PPP1R12B: variants seen among roughly 807,000 people sequenced by gnomAD.
The protein encoded by PPP1R12B is protein phosphatase 1 regulatory subunit 12B.
In PPP1R12B, 76 loss-of-function variants were observed where a neutral mutation model predicts 126.1. The observed-to-expected ratio is 0.60, with a 90% CI of 0.50 to 0.73. PPP1R12B has a LOEUF of 0.73. Ranked by LOEUF, PPP1R12B falls within the 30% of genes least tolerant of loss-of-function variation. The probability of loss-of-function intolerance (pLI) is 0.00; values close to 1 mark genes in which losing one functional copy is unlikely to be tolerated. For synonymous variants in PPP1R12B, 356 were observed against 434.7 expected, an observed-to-expected ratio of 0.82 and a Z score of 2.25; for missense variants, 1,052 against 1,205.1, an observed-to-expected ratio of 0.87 and a Z score of 1.88.
intron 23 of PPP1R12B, among the ~76,000 whole-genome samples, chr1:202,572,679 C>T (rs1688720637): frequency 1.3e-5 from 2 of 152,324 alleles, no homozygotes; most frequent in Non-Finnish European, 2.9e-5. Context: ...ATCCTCCACT[C>T]AGCATCAGCC....
intron 13 of PPP1R12B, among the ~76,000 whole-genome samples, chr1:202,457,128 G>A (rs1003044427): frequency 1.3e-5 from 2 of 152,170 alleles, no homozygotes; most frequent in African/African-American, 4.8e-5. Context: ...ATAAGATTTT[G>A]CAAAATAGTA....
chr1:202,362,593 G>A (rs1023861518), intron 1 of PPP1R12B, among the ~76,000 whole-genome samples: 2 of 150,844 alleles, frequency 1.3e-5, no homozygotes, highest in African/African-American at 4.9e-5. Flanking sequence ...AGTGGAGACT[G>A]CCTTGCTTCA....
rs1294797055 is a variant in PPP1R12B at position 202,354,820 on chromosome 1, TTTTTTGTTGTTG to T, written c.291+5684_291+5695del. Among the ~76,000 whole-genome samples the T allele has an allele frequency of 2.2e-4, 28 of 125,816 alleles. No individual in the cohort carries two copies. The East Asian group carries it at 2.9e-3, about 13-fold the overall frequency. 82.5% of individuals were successfully genotyped at this position (125,816 alleles called of 152,430 possible). A position where few individuals can be genotyped will look rare whatever the true frequency, so the allele number is the denominator to read the frequency against. ...GTGACACCACGCCTGGCTAATTGTT[TTTTTTGTTGTTG>T]TTTTTTTTTTTGAGACGGAGTCTTG... On this transcript the variant is annotated intron_variant, in intron 1 of 23. Coordinates refer to ENST00000608999, the MANE Select transcript of PPP1R12B (RefSeq NM_002481.4).
At chr1:202,575,304 A>C (rs1688995800) in intron 23 of PPP1R12B, 1 of 1,020,434 alleles carries the variant, frequency 9.8e-7, no homozygotes. Flanking sequence ...GACTGAGATC[A>C]TAGAATGGGA....
Position 202,462,699 on chromosome 1 carries a change from C to T in PPP1R12B, c.1850+13528C>T, listed in dbSNP as rs563663189. On this transcript the variant is annotated intron_variant, in intron 13 of 23. Transcript: ENST00000608999. Reference sequence around the variant, plus strand: ...AAATTTTCAGCCCTCATTCAACCCTCCCTTGTTTTTTATCAGTTGATTTTC... The same window carrying T: ...AAATTTTCAGCCCTCATTCAACCCTTCCTTGTTTTTTATCAGTTGATTTTC... 7.2e-5 allele frequency: 66 copies of T among 919,034 alleles called. 1 individual carries two copies. In the South Asian group the frequency reaches 2.9e-3, roughly 41 times the overall value. 56.9% of individuals were successfully genotyped at this position (919,034 alleles called of 1,614,324 possible). A position where few individuals can be genotyped will look rare whatever the true frequency, so the allele number is the denominator to read the frequency against.
intron 4 of PPP1R12B, 66 bp from the exon 5 acceptor site, chr1:202,426,974 T>G: frequency 1.3e-6 from 2 of 1,562,214 alleles, no homozygotes; most frequent in African/African-American, 1.4e-5. Context: ...AATTAGGTAA[T>G]AGTGTATTTG....
intron 9 of PPP1R12B, among the ~76,000 whole-genome samples, chr1:202,435,976 TAGAC>T (rs1258099433): frequency 6.6e-6 from 1 of 152,138 alleles, no homozygotes; most frequent in Non-Finnish European, 1.5e-5. Context: ...AATACTAAAT[TAGAC>T]AGGGTGCAGT....
chr1:202,438,820 C>G (rs1188597965), intron 10 of PPP1R12B: 2 of 878,558 alleles, frequency 2.3e-6, no homozygotes, highest in Non-Finnish European at 3.9e-6. Flanking sequence ...GTCTAACTCA[C>G]GGACGTGGGG....
chr1:202,380,300 T>G (rs1314776737), intron 1 of PPP1R12B, among the ~76,000 whole-genome samples: 4 of 152,258 alleles, frequency 2.6e-5, no homozygotes, highest in Admixed American at 2.6e-4. Flanking sequence ...ACAGGTGATA[T>G]TATCTTACAC....
intron 3 of PPP1R12B, among the ~76,000 whole-genome samples, chr1:202,423,723 G>A (rs916292275): frequency 1.3e-5 from 2 of 152,030 alleles, no homozygotes; most frequent in South Asian, 4.1e-4. Flanking sequence ...TCACTCTGTT[G>A]CCCAGGCTGG....
chr1:202,385,192 G>C (rs1399289662), intron 1 of PPP1R12B, among the ~76,000 whole-genome samples: 1 of 152,174 alleles, frequency 6.6e-6, no homozygotes, highest in Non-Finnish European at 1.5e-5. Flanking sequence ...GGGCAGATCT[G>C]TTACAGAAAA....
In PPP1R12B at chr1:202,434,677, T is replaced by C. The variant is rs1670581930; in HGVS notation, c.1163T>C (p.Val388Ala). The C allele has an allele frequency of 1.2e-6, 2 of 1,612,226 alleles. No individual in the cohort carries two copies. The highest frequency in any genetic ancestry group is 2.7e-5 in the African/African-American group (2 of 74,822). Residue 388 changes from valine to alanine, a missense_variant, in exon 9 of 24, where the codon GTC (valine) becomes GCC (alanine). Physicochemically the swap from Val to Ala is moderately conservative, Grantham distance 64. Transcript: ENST00000608999. ...ACAGATAAAAAGCCAGAAGCCTTTG[T>C]CAATCATTCCAACTCTGAAAGCAAG... ...KEADKKPEAF[V>A]NHSNSESKSS...
At chr1:202,529,889 T>A (rs1683748341) in intron 18 of PPP1R12B, among the ~76,000 whole-genome samples, 1 of 152,222 alleles carries the variant, frequency 6.6e-6, no homozygotes, top group Non-Finnish European at 1.5e-5. Context: ...TCTTGACATA[T>A]AATTTCTGTA....
chr1:202,434,264 G>A (rs1295065994), intron 8 of PPP1R12B, among the ~76,000 whole-genome samples: 3 of 152,170 alleles, frequency 2.0e-5, no homozygotes, highest in African/African-American at 4.8e-5. Flanking sequence ...CTAAGATCTG[G>A]ACTTTGATCT....
chr1:202,533,031 G>C (rs966780669), intron 18 of PPP1R12B, among the ~76,000 whole-genome samples: 1 of 151,530 alleles, frequency 6.6e-6, no homozygotes, highest in Middle Eastern at 3.4e-3. Context: ...CACCACACCC[G>C]GCTAATTTTG....
intron 13 of PPP1R12B, among the ~76,000 whole-genome samples, chr1:202,471,373 A>G (rs1377580379): frequency 1.3e-5 from 2 of 151,248 alleles, no homozygotes; most frequent in Admixed American, 6.6e-5. Context: ...CCTAATACTA[A>G]TGATGCTGCT....
At position 202,377,833 on chromosome 1, in the gene PPP1R12B, T is replaced by TG. The variant is rs1491455493; in HGVS notation, c.291+28691_291+28692insG. Among the ~76,000 whole-genome samples the TG allele has an allele frequency of 7.5e-4, 6 of 7,960 alleles. No homozygotes were observed. In the East Asian group the frequency reaches 0.037, roughly 50 times the overall value. The allele number at this position is 7,960 out of a possible 152,430, so 5.2% of individuals were successfully genotyped here. A position where few individuals can be genotyped will look rare whatever the true frequency, so the allele number is the denominator to read the frequency against. ...GAGAAAGAAAGGTCAAAGACAGGTG[T>TG]TTTTTTTTTTTTTTTTTTTTTTTTT... is the stretch of plus-strand genomic sequence containing the variant. On this transcript the variant is annotated intron_variant, in intron 1 of 23. Transcript: ENST00000608999.
At chr1:202,452,124 C>T (rs1397663729) in intron 13 of PPP1R12B, among the ~76,000 whole-genome samples, 3 of 151,794 alleles carry the variant, frequency 2.0e-5, no homozygotes, top group Non-Finnish European at 4.4e-5. Flanking sequence ...TGGGCAGAGA[C>T]GCTCCTCACT....
intron 18 of PPP1R12B, among the ~76,000 whole-genome samples, chr1:202,549,413 C>T (rs1686065460): frequency 1.3e-5 from 2 of 150,456 alleles, no homozygotes; most frequent in Admixed American, 6.6e-5. Context: ...TGCATTTAAT[C>T]AATTACCTTT....
Sources: allele counts gnomAD v4.1 joint callset (sites outside exome capture counted in the v4.1 genomes callset), GRCh38; gene constraint gnomAD v4.1.1; transcripts MANE v1.5; gene names NCBI Gene and HGNC (gene_info 2026-07-23, HGNC 2026-07-21).